The following USP34 variants were observed in gnomAD, a reference collection of about 807,000 sequenced individuals.
USP34 encodes ubiquitin carboxyl-terminal hydrolase 34.
A neutral mutation model predicts 460.3 loss-of-function variants in USP34; 70 were observed. The ratio of observed to expected loss-of-function variants is 0.15; its 90% CI spans 0.13 to 0.19. The LOEUF is 0.19. USP34 is among the 10% of genes least tolerant of loss of function. USP34 has a pLI of 1.00. For synonymous variants in USP34, 1,647 were observed against 1,405.3 expected (o/e 1.17, Z -3.85); for missense variants, 3,985 against 4,236.2 (o/e 0.94, Z 1.65).
At position 61,262,003 on chromosome 2, in the gene USP34, A is replaced by G. The variant is rs150480057; in HGVS notation, c.5779-2227T>C. On this transcript the variant is annotated intron_variant, in intron 43 of 79. Transcript: ENST00000398571. Reference sequence around the variant, plus strand: ...CTATTCGGGAGGCTGAGGCAGGAGAACTGCCGGAACCCAGGAGGCAGAGGT... The same window carrying G: ...CTATTCGGGAGGCTGAGGCAGGAGAGCTGCCGGAACCCAGGAGGCAGAGGT... Among the ~76,000 whole-genome samples the G allele has an allele frequency of 2.2e-3, 323 of 149,746 alleles. 2 individuals carry two copies. The highest frequency in any genetic ancestry group is 7.6e-3 in the African/African-American group (307 of 40,634).
chr2:61,357,615 A>G (rs1468009073), intron 10 of USP34, among the ~76,000 whole-genome samples: 1 of 152,224 alleles, frequency 6.6e-6, no homozygotes, highest in African/African-American at 2.4e-5. Context: ...TAGTACAGAA[A>G]GCTGGTCAGA....
At chr2:61,334,010 T>A in intron 18 of USP34, 39 bp from the exon 19 acceptor site, 1 of 1,428,688 alleles carries the variant, frequency 7.0e-7, no homozygotes, top group Non-Finnish European at 9.5e-7. Context: ...ATTTTAGTAA[T>A]TCTTTTTATA....
intron 70 of USP34, chr2:61,208,252 CG>C (rs1310487789): frequency 6.6e-6 from 1 of 152,192 alleles, no homozygotes; most frequent in Non-Finnish European, 1.5e-5. Context: ...CTCAAAAGAA[CG>C]CAACCATCTG....
chr2:61,211,303 C>T (rs1241887585), intron 69 of USP34, among the ~76,000 whole-genome samples: 1 of 152,162 alleles, frequency 6.6e-6, no homozygotes, highest in Admixed American at 6.5e-5. Flanking sequence ...GTAGTAGTTC[C>T]TGTAACCATT....
chr2:61,196,919 T>G (rs2103751452), intron 75 of USP34, among the ~76,000 whole-genome samples: 1 of 152,322 alleles, frequency 6.6e-6, no homozygotes, highest in African/African-American at 2.4e-5. Flanking sequence ...CATAGAGGCC[T>G]TTTATGATCT....
intron 2 of USP34, among the ~76,000 whole-genome samples, chr2:61,414,022 C>G (rs546999912): frequency 5.9e-4 from 89 of 152,064 alleles, no homozygotes; most frequent in African/African-American, 2.0e-3. Context: ...CTTTGGGAGG[C>G]CAAGGCGGGT....
At chr2:61,239,758 C>T (rs541530175) in intron 53 of USP34, among the ~76,000 whole-genome samples, 1 of 152,242 alleles carries the variant, frequency 6.6e-6, no homozygotes, top group African/African-American at 2.4e-5. Flanking sequence ...CCTGTAATCC[C>T]AGCACTTTGG....
intron 21 of USP34, among the ~76,000 whole-genome samples, chr2:61,320,707 A>C (rs1690890897): frequency 6.6e-6 from 1 of 152,066 alleles, no homozygotes; most frequent in African/African-American, 2.4e-5. Context: ...TTTACAAAAA[A>C]TTAAAAAACA....
intron 75 of USP34, among the ~76,000 whole-genome samples, chr2:61,197,410 A>G (rs1397485557): frequency 2.6e-5 from 4 of 152,156 alleles, no homozygotes; most frequent in African/African-American, 9.7e-5. Flanking sequence ...AGGCTCACAG[A>G]GATTATATAA....
In USP34 at chr2:61,311,808, G is replaced by A; in HGVS notation, c.3645C>T (p.Cys1215=). 2 of 1,613,896 alleles carry A rather than the reference G, an allele frequency of 1.2e-6. No individual in the cohort carries two copies. Among genetic ancestry groups the A allele is most frequent in the Non-Finnish European group, 1.7e-6 (2 of 1,179,908 alleles). ...DKQSLPLRVV[C]QPAGLPDKMT... is the part of the protein sequence containing the mutation. Reference sequence around the variant, plus strand: ...CCTTGTCAGGAAGTCCAGCTGGCTGGCATACAACCCTTAGCGGCAGAGACT... The same window carrying A: ...CCTTGTCAGGAAGTCCAGCTGGCTGACATACAACCCTTAGCGGCAGAGACT... Residue 1215 remains cysteine (C), a synonymous_variant, in exon 26 of 80, where the codon TGC becomes TGT. Coordinates refer to ENST00000398571, the MANE Select transcript of USP34 (RefSeq NM_014709.4).
chr2:61,373,544 A>G (rs1692695513), intron 8 of USP34, among the ~76,000 whole-genome samples: 1 of 152,212 alleles, frequency 6.6e-6, no homozygotes, highest in Admixed American at 6.5e-5. Context: ...AATGTCTGAA[A>G]GAGACAAAGG....
intron 1 of USP34, among the ~76,000 whole-genome samples, chr2:61,428,242 CAAAAAAA>C (rs370891797): frequency 2.9e-4 from 28 of 95,318 alleles, no homozygotes; most frequent in Admixed American, 1.1e-4. Context: ...TAATGATTCT[CAAAAAAA>C]AAAAAAAAAA....
intron 10 of USP34, among the ~76,000 whole-genome samples, chr2:61,361,974 TA>T (rs1163416895): frequency 6.6e-6 from 1 of 151,006 alleles, no homozygotes; most frequent in Non-Finnish European, 1.5e-5. Flanking sequence ...AAAAAAATAA[TA>T]AATAAATAAA....
intron 6 of USP34, 136 bp downstream of exon 6, chr2:61,383,133 A>G: frequency 4.0e-6 from 2 of 502,928 alleles, no homozygotes; most frequent in Non-Finnish European, 3.4e-6. Context: ...AAAAAACACT[A>G]TATACCAAAC....
At position 61,453,191 on chromosome 2, in the gene USP34, G is replaced by C. The variant is rs529007318; in HGVS notation, c.43+17459C>G. On this transcript the variant is annotated intron_variant, in intron 1 of 79. Coordinates refer to ENST00000398571, the MANE Select transcript of USP34 (RefSeq NM_014709.4). ...TTAGGGAGGCCGAAGCGGGTGGATTGCTAGAGCCCATGAGTTCGAGACCAG... is the reference window on the plus strand; with the variant it reads ...TTAGGGAGGCCGAAGCGGGTGGATTCCTAGAGCCCATGAGTTCGAGACCAG... Among the ~76,000 whole-genome samples the C allele has an allele frequency of 5.9e-5, 9 of 151,352 alleles. No homozygotes were observed. In the East Asian group the frequency reaches 1.8e-3, roughly 30 times the overall value.
intron 10 of USP34, among the ~76,000 whole-genome samples, chr2:61,360,404 G>A (rs1423629966): frequency 6.6e-6 from 1 of 151,994 alleles, no homozygotes; most frequent in Non-Finnish European, 1.5e-5. Flanking sequence ...GTACAAGCAG[G>A]CTATCTGAAA....
chr2:61,401,900 A>G (rs1693733048), intron 3 of USP34, among the ~76,000 whole-genome samples: 1 of 151,540 alleles, frequency 6.6e-6, no homozygotes, highest in Non-Finnish European at 1.5e-5. Context: ...AAAAACTTAC[A>G]ACACTAGAGC....
intron 10 of USP34, among the ~76,000 whole-genome samples, chr2:61,363,943 A>G (rs184985005): frequency 2.8e-4 from 42 of 152,346 alleles, no homozygotes; most frequent in Non-Finnish European, 4.7e-4. Flanking sequence ...ATCATCACCA[A>G]TAACAACTTT....
chr2:61,245,082 A>C (rs908547909), intron 51 of USP34, 128 bp downstream of exon 51: 2 of 621,772 alleles, frequency 3.2e-6, no homozygotes, highest in African/African-American at 3.7e-5. Flanking sequence ...AATAAATATA[A>C]ACTGAATAAA....
Sources: gnomAD v4.1 joint callset for allele counts (sites outside exome capture counted in the v4.1 genomes callset) on GRCh38, gnomAD v4.1.1 for gene constraint, MANE v1.5 for transcripts, NCBI Gene and HGNC (gene_info 2026-07-23, HGNC 2026-07-21) for gene names.